PLEKHG6: variants seen among roughly 807,000 people sequenced by gnomAD.
PLEKHG6 encodes pleckstrin homology domain-containing family G member 6.
A neutral mutation model predicts 97.5 loss-of-function variants in PLEKHG6; 91 were observed. The observed-to-expected ratio is 0.93, with a 90% confidence interval of 0.79 to 1.11. The LOEUF is 1.11. Ranked by LOEUF, PLEKHG6 falls within the 50% of genes most tolerant of loss-of-function variation. The pLI, the probability that PLEKHG6 is intolerant of heterozygous loss-of-function variation, is 0.00. For missense variants in PLEKHG6, 1,044 were observed against 1,031.0 expected (o/e 1.01, Z -0.17); for synonymous variants, 466 against 425.5 (o/e 1.10, Z -1.17).
chr12:6,313,739 C>CG lies in PLEKHG6; in HGVS notation c.254dup (p.His86ProfsTer20). The CG allele has an allele frequency of 6.2e-7, 1 of 1,608,996 alleles. No homozygotes were observed. On this transcript the variant is annotated frameshift_variant, in exon 3 of 16. Coordinates refer to ENST00000684764, the MANE Select transcript of PLEKHG6 (RefSeq NM_001384598.1). LOFTEE classifies it high-confidence loss of function. Reference sequence around the variant, plus strand: ...GAGATCCAGAGCCCGAGAAGAGGCACGGGGGCCATGTGGGGGCTGGCCTGC... The same window carrying CG: ...GAGATCCAGAGCCCGAGAAGAGGCACGGGGGGCCATGTGGGGGCTGGCCTGC...
intron 13 of PLEKHG6, among the ~76,000 whole-genome samples, chr12:6,323,844 C>G (rs1422109333): frequency 6.6e-6 from 1 of 152,196 alleles, no homozygotes; most frequent in Non-Finnish European, 1.5e-5. Context: ...AAGGGGTGGT[C>G]TTTGGGGCCT....
rs1008279462 is a variant in PLEKHG6, at chr12:6,317,916, G to A, written c.1077G>A (p.Glu359=). Residue 359 remains glutamate, a synonymous_variant, in exon 10 of 16, where the codon GAG becomes GAA. Coordinates refer to ENST00000684764, the MANE Select transcript of PLEKHG6 (RefSeq NM_001384598.1). ...ATGGGCAGGTCCGCCAGGGCGAAGA[G>A]CAAGAGAGCTTGGCGGCTGCAGCAC... ...HINGQVRQGE[E]QESLAAAAQR... The A allele has an allele frequency of 3.8e-6, 6 of 1,566,250 alleles. No individual in the cohort carries two copies. The East Asian group carries it at 9.4e-5, about 24-fold the overall frequency.
intron 2 of PLEKHG6, chr12:6,312,823 C>G: frequency 1.6e-6 from 2 of 1,249,132 alleles, no homozygotes; most frequent in Non-Finnish European, 2.0e-6. Flanking sequence ...TGGCTCCACC[C>G]CTGGCTCCAC....
At chr12:6,314,840 C>T (rs1192472015) in intron 3 of PLEKHG6, among the ~76,000 whole-genome samples, 165 bp from the exon 4 acceptor site, 1 of 152,174 alleles carries the variant, frequency 6.6e-6, no homozygotes, top group African/African-American at 2.4e-5. Flanking sequence ...GTTCTCTAGG[C>T]CTCCATGTCC....
At chr12:6,321,361 T>C (rs1426395388) in intron 13 of PLEKHG6, among the ~76,000 whole-genome samples, 1 of 152,090 alleles carries the variant, frequency 6.6e-6, no homozygotes, top group Non-Finnish European at 1.5e-5. Flanking sequence ...TCAGTGTGTT[T>C]CCTCTTGAAT....
At chr12:6,326,341 T>C (rs1947854031) in intron 13 of PLEKHG6, 87 bp from the exon 14 acceptor site, 1 of 806,986 alleles carries the variant, frequency 1.2e-6, no homozygotes, top group Non-Finnish European at 2.0e-6. Flanking sequence ...AATAAGGTAA[T>C]ATATGTAACG....
intron 14 of PLEKHG6, among the ~76,000 whole-genome samples, 187 bp from the exon 15 acceptor site, chr12:6,327,067 G>C (rs1947884029): frequency 1.3e-5 from 2 of 152,308 alleles, no homozygotes; most frequent in South Asian, 2.1e-4. Context: ...ACAGTATAGA[G>C]GCAGCCCGTA....
At chr12:6,324,748 C>G (rs1947812675) in intron 13 of PLEKHG6, among the ~76,000 whole-genome samples, 3 of 152,224 alleles carry the variant, frequency 2.0e-5, no homozygotes, top group Admixed American at 2.0e-4. Context: ...TTTCCTATCC[C>G]TGTTCATCCA....
intron 7 of PLEKHG6, 61 bp from the exon 8 acceptor site, chr12:6,317,242 A>G (rs1450528492): frequency 1.3e-5 from 14 of 1,072,776 alleles, no homozygotes; most frequent in Middle Eastern, 2.0e-4. Flanking sequence ...CTGCAGCTAG[A>G]GCCTGTATTC....
chr12:6,311,927 G>C (rs1219589684), intron 1 of PLEKHG6, among the ~76,000 whole-genome samples: 2 of 152,168 alleles, frequency 1.3e-5, no homozygotes, highest in African/African-American at 4.8e-5. Flanking sequence ...ACACATGTGA[G>C]AGAGGAGGTA....
Position 6,316,530 on chromosome 12 carries a change from C to A in PLEKHG6, c.756+126C>A. ...GAGGGGCCGCAGGACACAGCCCCTA[C>A]CCCTAATATCACCTCACCTCCTCCC... On this transcript the variant is annotated intron_variant, in intron 7 of 15. Coordinates refer to ENST00000684764, the MANE Select transcript of PLEKHG6 (RefSeq NM_001384598.1). This position sits in a 1 kb window ranked among gnomAD's most constrained non-coding sequence, Gnocchi z 4.1. The A allele has an allele frequency of 1.2e-6, 1 of 831,858 alleles. No individual in the cohort carries two copies. Among genetic ancestry groups the A allele is most frequent in the Non-Finnish European group, 1.8e-6 (1 of 562,876 alleles). The allele number at this position is 831,858 out of a possible 1,614,324, so 51.5% of individuals were successfully genotyped here.
In PLEKHG6 at chr12:6,312,375, G is replaced by T; in HGVS notation, c.138+11G>T. ...GGATACCCTGTGCTGGTGAGTCCAG[G>T]CTGTGCCCCAAAAGTGACCTGGTGG... On this transcript the variant is annotated intron_variant, in intron 2 of 15. Transcript: ENST00000684764. 6.4e-7 allele frequency: 1 copy of T among 1,572,838 alleles called. No homozygotes were observed. The highest frequency in any genetic ancestry group is 1.4e-5 in the African/African-American group (1 of 71,902).
At chr12:6,317,774 AGT>A in intron 9 of PLEKHG6, 78 bp downstream of exon 9, 1 of 1,567,790 alleles carries the variant, frequency 6.4e-7, no homozygotes. Context: ...TGTCTGTGAC[AGT>A]GTGGCGCTGT....
chr12:6,320,052 T>C (rs1162680240), intron 13 of PLEKHG6, among the ~76,000 whole-genome samples: 1 of 152,178 alleles, frequency 6.6e-6, no homozygotes, highest in Non-Finnish European at 1.5e-5. Context: ...AGGCGGGAAC[T>C]GTGAAACAGT....
At chr12:6,312,707 A>C (rs2136715736) in intron 2 of PLEKHG6, 1 of 1,168,310 alleles carries the variant, frequency 8.6e-7, no homozygotes, top group African/African-American at 1.6e-5. Context: ...CAGGAGTTTG[A>C]GGCCTTCCTG....
At chr12:6,319,277 G>C (rs555809263) in intron 13 of PLEKHG6, 169 bp downstream of exon 13, 2 of 612,500 alleles carry the variant, frequency 3.3e-6, no homozygotes, top group Non-Finnish European at 5.7e-6. Context: ...GTGAAACCCC[G>C]TCTCTACTAA....
intron 3 of PLEKHG6, among the ~76,000 whole-genome samples, chr12:6,314,309 C>G (rs1240631055): frequency 2.6e-5 from 4 of 152,092 alleles, no homozygotes; most frequent in Non-Finnish European, 4.4e-5. Flanking sequence ...TCGAAACCAG[C>G]CTGGCCAACA....
intron 13 of PLEKHG6, among the ~76,000 whole-genome samples, chr12:6,324,299 CCCG>C (rs1947800021): frequency 6.8e-6 from 1 of 147,518 alleles, no homozygotes; most frequent in African/African-American, 2.5e-5. Flanking sequence ...CCCTCCCCCC[CCCG>C]CCGCCTCCTC....
chr12:6,318,248 G>A, intron 10 of PLEKHG6, 53 bp from the exon 11 acceptor site: 3 of 1,611,046 alleles, frequency 1.9e-6, no homozygotes, highest in Non-Finnish European at 2.5e-6. Flanking sequence ...CCTTGGCCAG[G>A]AAGTCCAGGC....
Sources: allele counts gnomAD v4.1 joint callset (sites outside exome capture counted in the v4.1 genomes callset), GRCh38; gene constraint gnomAD v4.1.1; non-coding constraint Gnocchi (gnomAD v3.1); transcripts MANE v1.5; gene names NCBI Gene and HGNC (gene_info 2026-07-23, HGNC 2026-07-21).